The following UBE2D2 variants were observed in gnomAD, a reference collection of about 807,000 sequenced individuals.
UBE2D2 encodes ubiquitin conjugating enzyme E2 D2.
A neutral mutation model predicts 24.2 loss-of-function variants in UBE2D2; 2 were observed. That is an observed-to-expected ratio of 0.08 (90% CI 0.03 to 0.26). The LOEUF (loss-of-function observed/expected upper bound fraction) is 0.26, where lower values mean the gene tolerates loss of function less well. Ranked by LOEUF, UBE2D2 falls within the 10% of genes least tolerant of loss-of-function variation. The pLI, the probability that UBE2D2 is intolerant of heterozygous loss-of-function variation, is 1.00. For missense variants in UBE2D2, 44 were observed against 177.6 expected, an observed-to-expected ratio of 0.25 and a Z score of 4.28; for synonymous variants, 58 against 56.5, an observed-to-expected ratio of 1.03 and a Z score of -0.12.
intron 1 of UBE2D2, among the ~76,000 whole-genome samples, chr5:139,567,827 C>T (rs1421742524): frequency 6.6e-6 from 1 of 152,190 alleles, no homozygotes; most frequent in Non-Finnish European, 1.5e-5. Flanking sequence ...AGCCACTGTG[C>T]CCCGCCTTTT....
At chr5:139,569,719 G>A (rs1258780575) in intron 1 of UBE2D2, among the ~76,000 whole-genome samples, 1 of 152,162 alleles carries the variant, frequency 6.6e-6, no homozygotes, top group Non-Finnish European at 1.5e-5. Context: ...GCTGCTGTCT[G>A]GAAAGGCCGT....
intron 1 of UBE2D2, among the ~76,000 whole-genome samples, chr5:139,587,069 T>G (rs1015789400): frequency 3.9e-5 from 6 of 152,174 alleles, no homozygotes; most frequent in African/African-American, 1.4e-4. Context: ...GACCTGGGGT[T>G]GTTGGCCTCA....
chr5:139,625,062 C>CT (rs113465063), intron 6 of UBE2D2, among the ~76,000 whole-genome samples: 98 of 146,356 alleles, frequency 6.7e-4, no homozygotes, highest in South Asian at 1.3e-3. Flanking sequence ...TAACCCCCCA[C>CT]TTTTTTTTTT....
chr5:139,548,381 G>C (rs1233926847), intron 1 of UBE2D2, among the ~76,000 whole-genome samples: 2 of 151,712 alleles, frequency 1.3e-5, no homozygotes, highest in African/African-American at 4.8e-5. Flanking sequence ...TTTCCAGACA[G>C]AAATCCCCCA....
At chr5:139,577,791 T>A (rs2126661949) in intron 1 of UBE2D2, among the ~76,000 whole-genome samples, 1 of 152,316 alleles carries the variant, frequency 6.6e-6, no homozygotes, top group Admixed American at 6.5e-5. Context: ...ACCAAGTTAA[T>A]GATACTAGCA....
intron 1 of UBE2D2, among the ~76,000 whole-genome samples, chr5:139,563,132 G>C (rs1044428059): frequency 1.3e-5 from 2 of 152,136 alleles, no homozygotes; most frequent in Non-Finnish European, 2.9e-5. Flanking sequence ...CATTCTGAAT[G>C]ATGGGATGGG....
chr5:139,540,635 T>C (rs1392157629), intron 1 of UBE2D2, among the ~76,000 whole-genome samples: 1 of 152,164 alleles, frequency 6.6e-6, no homozygotes, highest in Non-Finnish European at 1.5e-5. Flanking sequence ...GGTTTGATTG[T>C]TAGCCTGTAT....
At chr5:139,580,149 A>T (rs1225319014) in intron 1 of UBE2D2, among the ~76,000 whole-genome samples, 4 of 152,072 alleles carry the variant, frequency 2.6e-5, no homozygotes, top group Non-Finnish European at 1.5e-5. Context: ...CATTGAGTGC[A>T]ATGGAGCAAC....
intron 6 of UBE2D2, chr5:139,623,754 C>T (rs1754562696): frequency 4.8e-6 from 1 of 209,808 alleles, no homozygotes; most frequent in Non-Finnish European, 9.6e-6. Context: ...TGCAATGGTG[C>T]AGTCTTGGCT....
At chr5:139,550,682 C>T (rs1215876380) in intron 1 of UBE2D2, among the ~76,000 whole-genome samples, 2 of 150,920 alleles carry the variant, frequency 1.3e-5, no homozygotes, top group Admixed American at 6.6e-5. Flanking sequence ...CAGCCTCAAT[C>T]CTGAGGCCAC....
chr5:139,626,815 T>G lies in UBE2D2; in HGVS notation c.*14T>G. ...TATGCGATGTAATTAAAGAAATTATTGGATAACCTCTACAAATAAAGATAG... is the reference window on the plus strand; with the variant it reads ...TATGCGATGTAATTAAAGAAATTATGGGATAACCTCTACAAATAAAGATAG... On this transcript the variant is annotated 3_prime_UTR_variant, in exon 7 of 7. Transcript: ENST00000398733. 6 of 1,609,094 alleles carry G rather than the reference T, an allele frequency of 3.7e-6. No individual in the cohort carries two copies. The highest frequency in any genetic ancestry group is 5.1e-6 in the Non-Finnish European group (6 of 1,176,340).
Position 139,581,174 on chromosome 5 carries a change from C to T in UBE2D2, c.25-19198C>T, listed in dbSNP as rs568949492. Among the ~76,000 whole-genome samples the T allele has an allele frequency of 5.1e-4, 77 of 152,142 alleles. 1 individual carries two copies. Among genetic ancestry groups the T allele is most frequent in the Non-Finnish European group, 8.8e-4 (60 of 67,984 alleles). On this transcript the variant is annotated intron_variant, in intron 1 of 6. Coordinates refer to ENST00000398733, the MANE Select transcript of UBE2D2 (RefSeq NM_003339.3). ...GTTAATTAAGAAAAAGTAGACTGGG[C>T]GTGGTGGCTCACGCCTGTAATCCCA...
chr5:139,600,205 C>T, intron 1 of UBE2D2, 167 bp from the exon 2 acceptor site: 1 of 795,962 alleles, frequency 1.3e-6, no homozygotes, highest in South Asian at 1.5e-5. Context: ...TTGAAGAATC[C>T]AAAATACCTT....
intron 2 of UBE2D2, chr5:139,611,964 T>G (rs1203822726): frequency 1.3e-5 from 2 of 150,032 alleles, no homozygotes; most frequent in African/African-American, 2.5e-5. Flanking sequence ...AATAATTGTT[T>G]TTTTTTTTTT....
chr5:139,623,484 A>G (rs1433554592), intron 6 of UBE2D2, 23 bp downstream of exon 6: 5 of 1,570,728 alleles, frequency 3.2e-6, no homozygotes, highest in Non-Finnish European at 4.4e-6. Context: ...TCAAGATGGA[A>G]AGTTATCTGT....
chr5:139,614,783 T>C lies in UBE2D2; in HGVS notation c.198+9T>C, dbSNP rs200162645. Reference sequence around the variant, plus strand: ...CCTTCAAACCACCTAAGGTAATTAATTGGAATGTGGCAGTTTTTAATGTAC... The same window carrying C: ...CCTTCAAACCACCTAAGGTAATTAACTGGAATGTGGCAGTTTTTAATGTAC... On this transcript the variant is annotated intron_variant, in intron 4 of 6. Coordinates refer to ENST00000398733, the MANE Select transcript of UBE2D2 (RefSeq NM_003339.3). The C allele has an allele frequency of 2.5e-6, 4 of 1,613,480 alleles. No individual in the cohort carries two copies.
chr5:139,626,654 T>C, intron 6 of UBE2D2, 102 bp from the exon 7 acceptor site: 2 of 946,730 alleles, frequency 2.1e-6, no homozygotes, highest in Non-Finnish European at 3.4e-6. Context: ...TTGAATGTCC[T>C]ATAAGCTACT....
At chr5:139,600,162 A>C (rs1754042396) in intron 1 of UBE2D2, 4 of 647,938 alleles carry the variant, frequency 6.2e-6, no homozygotes, top group Non-Finnish European at 8.4e-6. Context: ...GAACAAAGCA[A>C]AAATGACCCA....
At chr5:139,533,275 G>GA (rs943487098) in intron 1 of UBE2D2, among the ~76,000 whole-genome samples, 9 of 150,476 alleles carry the variant, frequency 6.0e-5, no homozygotes, top group Admixed American at 1.3e-4. Context: ...CCTCTGTGTT[G>GA]AAAAAAAAAT....
Sources: gnomAD v4.1 joint callset for allele counts (sites outside exome capture counted in the v4.1 genomes callset) on GRCh38, gnomAD v4.1.1 for gene constraint, MANE v1.5 for transcripts, NCBI Gene and HGNC (gene_info 2026-07-23, HGNC 2026-07-21) for gene names.